RBKS: variants seen among roughly 807,000 people sequenced by gnomAD.
RBKS encodes the protein ribokinase.
Under a neutral mutation model 33.9 loss-of-function variants are expected in RBKS, and 33 were observed. The ratio of observed to expected loss-of-function variants is 0.97; its 90% CI spans 0.74 to 1.30. The LOEUF (loss-of-function observed/expected upper bound fraction) is 1.30, where lower values mean the gene tolerates loss of function less well. RBKS is among the 50% of genes most tolerant of loss of function. The pLI is 0.00. For missense variants in RBKS, 361 were observed against 392.6 expected, an observed-to-expected ratio of 0.92 and a Z score of 0.68; for synonymous variants, 125 against 143.0, an observed-to-expected ratio of 0.87 and a Z score of 0.90.
intron 5 of RBKS, among the ~76,000 whole-genome samples, 159 bp from the exon 6 acceptor site, chr2:27,832,936 A>G (rs549688883): frequency 1.3e-5 from 2 of 152,344 alleles, no homozygotes; most frequent in African/African-American, 4.8e-5. Flanking sequence ...TGAAATCTCA[A>G]TCTTCACGAC....
chr2:27,832,820 T>C (rs1442653726), intron 5 of RBKS, 43 bp from the exon 6 acceptor site: 1 of 1,267,812 alleles, frequency 7.9e-7, no homozygotes, highest in African/African-American at 1.5e-5. Flanking sequence ...GTTTTCATTT[T>C]TAACATGGTG....
intron 7 of RBKS, among the ~76,000 whole-genome samples, chr2:27,782,257 C>CT (rs1677303182): frequency 6.6e-6 from 1 of 152,078 alleles, no homozygotes; most frequent in East Asian, 1.9e-4. Context: ...GGCTCAACTC[C>CT]TGAGTGAACC....
chr2:27,847,594 G>A (rs909907501), intron 3 of RBKS, among the ~76,000 whole-genome samples: 5 of 152,218 alleles, frequency 3.3e-5, no homozygotes, highest in Non-Finnish European at 7.3e-5. Context: ...CCCTGAACTG[G>A]AATCAGAAGA....
At chr2:27,853,732 G>A (rs992212255) in intron 2 of RBKS, among the ~76,000 whole-genome samples, 3 of 152,110 alleles carry the variant, frequency 2.0e-5, no homozygotes, top group Non-Finnish European at 4.4e-5. Flanking sequence ...ATCTGAGAGT[G>A]GTGATAGGTT....
intron 7 of RBKS, among the ~76,000 whole-genome samples, chr2:27,789,949 G>GTGTATATATATATA (rs1553374159): frequency 8.2e-6 from 1 of 121,512 alleles, no homozygotes; most frequent in Non-Finnish European, 1.6e-5. Flanking sequence ...ATGTATATGT[G>GTGTATATATATATA]TATATATATA....
intron 7 of RBKS, among the ~76,000 whole-genome samples, chr2:27,820,988 C>T (rs911893306): frequency 4.3e-5 from 6 of 139,802 alleles, no homozygotes; most frequent in South Asian, 2.2e-4. Context: ...TGCGGTGAGC[C>T]GAGACTGCGC....
At chr2:27,864,833 T>C (rs1664057202) in intron 1 of RBKS, among the ~76,000 whole-genome samples, 1 of 152,132 alleles carries the variant, frequency 6.6e-6, no homozygotes, top group African/African-American at 2.4e-5. Context: ...CCTTCTCCCC[T>C]CTGGGGTGGG....
chr2:27,793,622 C>G (rs1283766619), intron 7 of RBKS, among the ~76,000 whole-genome samples: 1 of 152,174 alleles, frequency 6.6e-6, no homozygotes, highest in Non-Finnish European at 1.5e-5. Context: ...GTTTAAGAAC[C>G]TGTTCCATAT....
chr2:27,868,382 G>T (rs1409730427), intron 1 of RBKS, among the ~76,000 whole-genome samples: 1 of 151,992 alleles, frequency 6.6e-6, no homozygotes, highest in Non-Finnish European at 1.5e-5. Flanking sequence ...AGTTCAAAAG[G>T]TATTGGCTTA....
chr2:27,800,116 G>A (rs577937085), intron 7 of RBKS, among the ~76,000 whole-genome samples: 1 of 146,192 alleles, frequency 6.8e-6, no homozygotes, highest in African/African-American at 2.5e-5. Context: ...ACAGTGGCGC[G>A]ATCACGGCTC....
At position 27,810,666 on chromosome 2, in the gene RBKS, G is replaced by T. The variant is rs140932929; in HGVS notation, c.795+16901C>A. 0.011 allele frequency among the ~76,000 whole-genome samples: 1,704 copies of T among 151,858 alleles called. 22 individuals are homozygous for T. The highest frequency in any genetic ancestry group is 0.035 in the African/African-American group (1,460 of 41,386). ...CTATGAAATAACCATCTTAGTTATC[G>T]CCCCACTGCCCCCACTTTTTTTAAG... On this transcript the variant is annotated intron_variant, in intron 7 of 7. Transcript: ENST00000302188. The surrounding 1 kb of genome is among the most constrained non-coding windows in gnomAD (Gnocchi z 4.4).
In RBKS at chr2:27,889,054, G is replaced by A. The variant is rs150482751; in HGVS notation, c.89+1203C>T. On this transcript the variant is annotated intron_variant, in intron 1 of 7. Transcript: ENST00000302188. ...TAAAATTCTTTTGTTGCTTCTTCTC[G>A]TTACACAGTCTCCTACTCATCCTCA... Among the ~76,000 whole-genome samples, 24 of 152,238 alleles carry A rather than the reference G, an allele frequency of 1.6e-4. No individual in the cohort carries two copies. In the East Asian group the frequency reaches 3.1e-3, roughly 20 times the overall value.
At chr2:27,808,753 C>G (rs1240294900) in intron 7 of RBKS, among the ~76,000 whole-genome samples, 1 of 152,208 alleles carries the variant, frequency 6.6e-6, no homozygotes, top group Non-Finnish European at 1.5e-5. Flanking sequence ...TTTGAGATAA[C>G]ATTTGTAAAA....
chr2:27,870,777 A>G, intron 1 of RBKS: 1 of 465,150 alleles, frequency 2.1e-6, no homozygotes, highest in East Asian at 6.9e-5. Context: ...TACTCACACA[A>G]AATGACCAGT....
intron 7 of RBKS, among the ~76,000 whole-genome samples, chr2:27,800,050 T>C (rs1306064774): frequency 1.3e-5 from 1 of 75,858 alleles, no homozygotes; most frequent in African/African-American, 5.3e-5. Flanking sequence ...GTTAGGTGTC[T>C]TTTTTTTTTT....
intron 5 of RBKS, among the ~76,000 whole-genome samples, chr2:27,841,637 T>C (rs575534230): frequency 6.6e-6 from 1 of 151,956 alleles, no homozygotes; most frequent in Admixed American, 6.6e-5. Context: ...AGGACGAACA[T>C]TTTAAAATTC....
Position 27,858,436 on chromosome 2 carries a change from TACC to T in RBKS, c.222_222+2del. On this transcript the variant is annotated splice_donor_variant and coding_sequence_variant, in exon 2 of 8. Transcript: ENST00000302188. LOFTEE classifies it high-confidence loss of function. ...AGTCCTCTCCACTATACTTTGTACTTACCTTACACACCATGGACGTCATTGCTC... is the reference window on the plus strand; with the variant it reads ...AGTCCTCTCCACTATACTTTGTACTTTTACACACCATGGACGTCATTGCTC... 1 of 1,609,784 alleles carries T rather than the reference TACC, an allele frequency of 6.2e-7. No individual in the cohort carries two copies. The highest frequency in any genetic ancestry group is 8.5e-7 in the Non-Finnish European group (1 of 1,178,816).
chr2:27,816,232 T>C (rs915560361), intron 7 of RBKS, among the ~76,000 whole-genome samples: 20 of 152,254 alleles, frequency 1.3e-4, no homozygotes, highest in African/African-American at 4.6e-4. Context: ...ATTTAAAATA[T>C]TGAATTCTGC....
At chr2:27,851,601 C>T (rs1380843709) in intron 2 of RBKS, among the ~76,000 whole-genome samples, 2 of 151,788 alleles carry the variant, frequency 1.3e-5, no homozygotes, top group South Asian at 2.1e-4. Flanking sequence ...TGCAATGGTG[C>T]GATCTCCGCT....
Sources: allele counts gnomAD v4.1 joint callset (sites outside exome capture counted in the v4.1 genomes callset), GRCh38; gene constraint gnomAD v4.1.1; non-coding constraint Gnocchi (gnomAD v3.1); transcripts MANE v1.5; gene names NCBI Gene and HGNC (gene_info 2026-07-23, HGNC 2026-07-21).